Variants in SRSF7 observed in about 807,000 individuals in gnomAD.
The protein encoded by SRSF7 is serine/arginine-rich splicing factor 7.
SRSF7 carries 15 observed loss-of-function variants against 42.2 expected under a neutral mutation model. The observed-to-expected ratio is 0.36, with a 90% CI of 0.24 to 0.55. The LOEUF is 0.55. Among genes scored for constraint, SRSF7 ranks in the 20% least tolerant of loss-of-function variants. The pLI, the probability that SRSF7 is intolerant of heterozygous loss-of-function variation, is 0.88. For synonymous variants in SRSF7, 138 were observed against 107.9 expected, an observed-to-expected ratio of 1.28 and a Z score of -1.73; for missense variants, 181 against 305.9, an observed-to-expected ratio of 0.59 and a Z score of 3.04.
chr2:38,750,376 T>C (rs1668109060), intron 1 of SRSF7, among the ~76,000 whole-genome samples, 182 bp from the exon 2 acceptor site: 1 of 151,928 alleles, frequency 6.6e-6, no homozygotes, highest in Admixed American at 6.6e-5. Flanking sequence ...GAAACTAGAC[T>C]TTTGACAAAA....
rs1213028714 is a variant in SRSF7, at chr2:38,745,198, A to G, written c.663-11T>C. ...CCTGATGGGGAACGACTAAAAAGAA[A>G]AACATTAGGTTTGGATCCAATTAGT... On this transcript the variant is annotated splice_polypyrimidine_tract_variant and intron_variant, in intron 7 of 7. Coordinates refer to ENST00000313117, the MANE Select transcript of SRSF7 (RefSeq NM_001031684.3). 6 of 1,614,006 alleles carry G rather than the reference A, an allele frequency of 3.7e-6. No individual in the cohort carries two copies. Among genetic ancestry groups the G allele is most frequent in the Non-Finnish European group, 5.1e-6 (6 of 1,179,980 alleles).
chr2:38,746,158 T>A lies in SRSF7; in HGVS notation c.648A>T (p.Pro216=). 1 of 1,614,004 alleles carries A rather than the reference T, an allele frequency of 6.2e-7. No individual in the cohort carries two copies. Among genetic ancestry groups the A allele is most frequent in the East Asian group, 2.2e-5 (1 of 44,872 alleles). The change falls in exon 7 of 8, where the codon CCA becomes CCT. Residue 216 remains proline, a synonymous_variant. Coordinates refer to ENST00000313117, the MANE Select transcript of SRSF7 (RefSeq NM_001031684.3). The part of the protein sequence containing the change: ...PRSSRSKSRS[P]SPKRSRSPSG... ...ATTTAGCTTACCTTCTTTTTGGAGA[T>A]GGAGATCTGGACTTTGATCGGCTGT... is the stretch of plus-strand genomic sequence containing the variant.
chr2:38,751,419 ATCTCGTTGT>A (rs1240382668), upstream of SRSF7: 4 of 906,082 alleles, frequency 4.4e-6, no homozygotes, highest in Admixed American at 6.5e-5. Flanking sequence ...CGCATGCGTC[ATCTCGTTGT>A]TCTGCGCGGC....
intron 6 of SRSF7, 49 bp from the exon 7 acceptor site, chr2:38,746,228 C>A (rs1190251967): frequency 1.9e-6 from 3 of 1,604,536 alleles, no homozygotes; most frequent in Admixed American, 1.7e-5. Context: ...TAACCAATCC[C>A]TTTCTTGTAG....
intron 5 of SRSF7, chr2:38,746,963 G>C (rs1667516932): frequency 2.7e-6 from 2 of 746,504 alleles, no homozygotes; most frequent in Admixed American, 2.4e-5. Flanking sequence ...CAATTGGTTA[G>C]TTTCTGTACA....
At position 38,750,321 on chromosome 2, in the gene SRSF7, G is replaced by A. The variant is rs72909144; in HGVS notation, c.29-127C>T. 0.013 allele frequency: 9,536 copies of A among 761,070 alleles called. 694 individuals are homozygous for A. The African/African-American group carries it at 0.16, about 12-fold the overall frequency. 47.1% of individuals were successfully genotyped at this position (761,070 alleles called of 1,614,324 possible). On this transcript the variant is annotated intron_variant, in intron 1 of 7. Transcript: ENST00000313117. ...AGCACATTTAATGCCCTCTATCCAA[G>A]ACAAAACTTAGTCGTAAAACTGGTG...
intron 1 of SRSF7, 135 bp from the exon 2 acceptor site, chr2:38,750,329 T>A: frequency 1.4e-6 from 1 of 708,580 alleles, no homozygotes; most frequent in Non-Finnish European, 2.2e-6. Context: ...AAGACAAAAC[T>A]TAGTCGTAAA....
At chr2:38,751,180 T>C (rs190317617) in intron 1 of SRSF7, 49 bp downstream of exon 1, 2 of 1,612,606 alleles carry the variant, frequency 1.2e-6, no homozygotes, top group Non-Finnish European at 1.7e-6. Context: ...GGCCTCGCAG[T>C]GCTCACTACA....
chr2:38,750,617 G>A (rs904802413), intron 1 of SRSF7, among the ~76,000 whole-genome samples: 3 of 151,916 alleles, frequency 2.0e-5, no homozygotes, highest in African/African-American at 7.2e-5. Flanking sequence ...CGTCCTCCGC[G>A]GCAAACGTCC....
At position 38,751,329 on chromosome 2, in the gene SRSF7, A is replaced by T; in HGVS notation, c.-73T>A. 4 of 1,590,170 alleles carry T rather than the reference A, an allele frequency of 2.5e-6. No homozygotes were observed. The Admixed American group carries it at 5.1e-5, about 20-fold the overall frequency. On this transcript the variant is annotated 5_prime_UTR_variant, in exon 1 of 8. Transcript: ENST00000313117. ...TCGAGTGACGCAAAAGCTGACACAC[A>T]CCTTCACCCGCCAAGAGTCCCGGCG...
At chr2:38,748,503 A>G in intron 4 of SRSF7, 76 bp downstream of exon 4, 3 of 1,485,006 alleles carry the variant, frequency 2.0e-6, no homozygotes, top group Non-Finnish European at 2.8e-6. Flanking sequence ...CAAAAAAAAT[A>G]ATGAGCTTTT....
intron 5 of SRSF7, 97 bp from the exon 6 acceptor site, chr2:38,746,844 G>C (rs1217729386): frequency 3.8e-6 from 6 of 1,560,248 alleles, no homozygotes; most frequent in Non-Finnish European, 5.2e-6. Context: ...GCATAAAGAA[G>C]CTAAAACTAA....
At chr2:38,748,945 C>G in intron 3 of SRSF7, 10 of 1,319,046 alleles carry the variant, frequency 7.6e-6, no homozygotes, top group African/African-American at 1.5e-5. Context: ...TCTAGTAGAT[C>G]TAGACGATCT....
chr2:38,746,662 A>T (rs770565157), intron 6 of SRSF7, 32 bp downstream of exon 6: 15 of 1,611,390 alleles, frequency 9.3e-6, no homozygotes, highest in Non-Finnish European at 1.3e-5. Context: ...GTGCCATATA[A>T]CTAGAAAAGC....
chr2:38,745,165 G>A lies in SRSF7; in HGVS notation c.685C>T (p.Arg229Cys). Reference sequence around the variant, plus strand: ...ATTCTTTCAGGACTTGCACTTCTGCGAGGACTTCCTGATGGGGAACGACTA... The same window carrying A: ...ATTCTTTCAGGACTTGCACTTCTGCAAGGACTTCCTGATGGGGAACGACTA... ...KRSRSPSGSP[R>C]RSASPERMD Residue 229 changes from arginine to cysteine, a missense_variant, in exon 8 of 8, where the codon CGC (arginine) becomes TGC (cysteine). By Grantham distance (180) the Arg-to-Cys change is radical. Transcript: ENST00000313117. The A allele has an allele frequency of 8.1e-6, 13 of 1,614,162 alleles. No individual in the cohort carries two copies. The highest frequency in any genetic ancestry group is 2.2e-5 in the East Asian group (1 of 44,882).
chr2:38,749,489 TTAAC>T (rs1218452629), intron 3 of SRSF7, 36 bp downstream of exon 3: 6 of 1,545,578 alleles, frequency 3.9e-6, no homozygotes, highest in Admixed American at 2.1e-5. Flanking sequence ...AATTACTTGA[TTAAC>T]TAGAATACCA....
intron 5 of SRSF7, among the ~76,000 whole-genome samples, chr2:38,747,583 C>T (rs1343044252): frequency 6.6e-6 from 1 of 152,032 alleles, no homozygotes; most frequent in Non-Finnish European, 1.5e-5. Context: ...AAAAAATCCA[C>T]ATTCATTTCT....
intron 5 of SRSF7, among the ~76,000 whole-genome samples, chr2:38,747,628 G>A (rs1572563672): frequency 1.3e-5 from 2 of 151,400 alleles, no homozygotes; most frequent in Non-Finnish European, 2.9e-5. Context: ...ACTTTCCAGT[G>A]TCTCAAATCA....
intron 6 of SRSF7, 141 bp downstream of exon 6, chr2:38,746,553 C>T (rs1261504691): frequency 3.2e-6 from 4 of 1,235,892 alleles, no homozygotes; most frequent in Non-Finnish European, 4.5e-6. Context: ...ATAAATAGGA[C>T]ATACACAAAT....
Sources: gnomAD v4.1 joint callset for allele counts (sites outside exome capture counted in the v4.1 genomes callset) on GRCh38, gnomAD v4.1.1 for gene constraint, MANE v1.5 for transcripts, NCBI Gene and HGNC (gene_info 2026-07-23, HGNC 2026-07-21) for gene names.